The following PCDHA3 variants were observed in gnomAD, a reference collection of about 807,000 sequenced individuals.
PCDHA3 encodes the protein protocadherin alpha-3.
A neutral mutation model predicts 62.2 loss-of-function variants in PCDHA3; 41 were observed. That is an observed-to-expected ratio of 0.66 (90% CI 0.51 to 0.86). The LOEUF is 0.86. PCDHA3 is among the 40% of genes least tolerant of loss of function. PCDHA3 has a pLI of 0.00. For synonymous variants in PCDHA3, 640 were observed against 555.4 expected (o/e 1.15, Z -2.14); for missense variants, 1,304 against 1,241.2 (o/e 1.05, Z -0.76).
At chr5:140,946,287 A>G (rs1484519782) in intron 1 of PCDHA3, among the ~76,000 whole-genome samples, 1 of 152,032 alleles carries the variant, frequency 6.6e-6, no homozygotes, top group African/African-American at 2.4e-5. Flanking sequence ...ATGAGATATC[A>G]CCTCACACCT....
At position 140,870,363 on chromosome 5, in the gene PCDHA3, T is replaced by C. The variant is rs782093088; in HGVS notation, c.2394+66772T>C. 1.9e-6 allele frequency: 3 copies of C among 1,614,206 alleles called. No homozygotes were observed. The South Asian group carries it at 3.3e-5, about 18-fold the overall frequency. On this transcript the variant is annotated intron_variant, in intron 1 of 3. Transcript: ENST00000522353. ...TGGACCGCGAGAACGTGTGGGCCTA[T>C]GAACTGGTGGTGACTGCGCGGGATG...
At chr5:140,901,644 G>A (rs1223864756) in intron 1 of PCDHA3, among the ~76,000 whole-genome samples, 1 of 152,024 alleles carries the variant, frequency 6.6e-6, no homozygotes, top group Non-Finnish European at 1.5e-5. Context: ...GATTCTTCCG[G>A]TTTTGTTCTT....
chr5:140,817,668 A>G (rs1213130984), intron 1 of PCDHA3: 6 of 152,168 alleles, frequency 3.9e-5, no homozygotes, highest in African/African-American at 1.4e-4. Context: ...CCTTTCAATT[A>G]TTTATATGTT....
At chr5:140,904,152 C>T (rs782254163) in intron 1 of PCDHA3, among the ~76,000 whole-genome samples, 16 of 152,024 alleles carry the variant, frequency 1.1e-4, no homozygotes, top group Non-Finnish European at 2.2e-4. Context: ...ATACATTGCA[C>T]CCAGTTTGTA....
intron 1 of PCDHA3, chr5:140,843,316 T>G (rs1778793829): frequency 1.9e-6 from 3 of 1,595,872 alleles, no homozygotes; most frequent in South Asian, 1.1e-5. Flanking sequence ...CGGCCACGGT[T>G]CTGGTGTCGC....
intron 1 of PCDHA3, among the ~76,000 whole-genome samples, chr5:140,972,533 T>C (rs2096540643): frequency 6.6e-6 from 1 of 152,134 alleles, no homozygotes; most frequent in African/African-American, 2.4e-5. Flanking sequence ...ATTTCATAAA[T>C]CACTTGTGCA....
At chr5:140,949,237 A>G (rs1239213091) in intron 1 of PCDHA3, among the ~76,000 whole-genome samples, 1 of 151,790 alleles carries the variant, frequency 6.6e-6, no homozygotes, top group South Asian at 2.1e-4. Context: ...GTGGCCCAGC[A>G]ACAGTCTATC....
chr5:140,809,745 C>T, intron 1 of PCDHA3: 1 of 670,750 alleles, frequency 1.5e-6, no homozygotes, highest in Middle Eastern at 4.2e-4. Context: ...ATATATATTG[C>T]CTTCCTTCAT....
chr5:140,827,945 A>C, intron 1 of PCDHA3: 1 of 1,217,964 alleles, frequency 8.2e-7, no homozygotes, highest in African/African-American at 1.5e-5. Flanking sequence ...GCTAGCCAAC[A>C]TTCAAATTTC....
chr5:140,907,364 C>T (rs1042794275), intron 1 of PCDHA3, among the ~76,000 whole-genome samples: 5 of 152,122 alleles, frequency 3.3e-5, no homozygotes, highest in East Asian at 1.9e-4. Context: ...CTTCTTTAGT[C>T]GTAAAGTGAG....
intron 1 of PCDHA3, among the ~76,000 whole-genome samples, chr5:140,916,285 G>A (rs530335868): frequency 1.2e-4 from 18 of 152,154 alleles, no homozygotes; most frequent in Non-Finnish European, 2.4e-4. Flanking sequence ...TCTACTCCAC[G>A]TGGCCAAACT....
At chr5:140,967,910 A>G (rs2096197842) in intron 1 of PCDHA3, 1 of 1,613,996 alleles carries the variant, frequency 6.2e-7, no homozygotes, top group Non-Finnish European at 8.5e-7. Flanking sequence ...TACACCCAAC[A>G]CCATTGTGGC....
chr5:140,968,564 G>C (rs565573880), intron 1 of PCDHA3: 1 of 1,614,168 alleles, frequency 6.2e-7, no homozygotes, highest in South Asian at 1.1e-5. Context: ...AACTGCCCCT[G>C]CTGGCTACCT....
At position 140,803,160 on chromosome 5, in the gene PCDHA3, G is replaced by C. The variant is rs782083603; in HGVS notation, c.1963G>C (p.Gly655Arg). Reference protein sequence around the residue: ...HRLLVLVKDHGEPSLTATATV... With the variant: ...HRLLVLVKDHREPSLTATATV... ...CCTACTGGTGCTGGTGAAGGACCAC[G>C]GTGAACCCTCATTGACCGCCACGGC... Residue 655 changes from glycine to arginine, a missense_variant, in exon 1 of 4, where the codon GGT becomes CGT. Gly to Arg is a moderately radical substitution (Grantham distance 125). Transcript: ENST00000522353. The C allele has an allele frequency of 1.2e-6, 2 of 1,613,870 alleles. No homozygotes were observed. Among genetic ancestry groups the C allele is most frequent in the Non-Finnish European group, 1.7e-6 (2 of 1,179,934 alleles).
At chr5:140,871,429 C>T in intron 1 of PCDHA3, 1 of 1,613,216 alleles carries the variant, frequency 6.2e-7, no homozygotes, top group Admixed American at 1.7e-5. Context: ...CCCCAGTCTT[C>T]CTCTAGGTCT....
intron 1 of PCDHA3, among the ~76,000 whole-genome samples, chr5:140,943,311 T>C (rs1281237979): frequency 1.3e-5 from 2 of 150,340 alleles, no homozygotes. Flanking sequence ...AAGTCATTAT[T>C]AGCAATATTG....
intron 1 of PCDHA3, among the ~76,000 whole-genome samples, chr5:140,974,807 A>T (rs2096641510): frequency 6.6e-6 from 1 of 152,202 alleles, no homozygotes; most frequent in Admixed American, 6.5e-5. Context: ...ATATACTAGA[A>T]GACCAATATG....
intron 1 of PCDHA3, chr5:140,824,053 G>A: frequency 6.2e-7 from 1 of 1,614,172 alleles, no homozygotes; most frequent in Non-Finnish European, 8.5e-7. Flanking sequence ...GGTGTGCTCT[G>A]GGGAAGCTCC....
chr5:140,847,199 C>A (rs2150397998), intron 1 of PCDHA3, among the ~76,000 whole-genome samples: 1 of 149,422 alleles, frequency 6.7e-6, no homozygotes, highest in Non-Finnish European at 1.5e-5. Context: ...AGGAATTTGG[C>A]CACTCTTTAG....
Sources: allele counts gnomAD v4.1 joint callset (sites outside exome capture counted in the v4.1 genomes callset), GRCh38; gene constraint gnomAD v4.1.1; transcripts MANE v1.5; gene names NCBI Gene and HGNC (gene_info 2026-07-23, HGNC 2026-07-21).